PARD3: variants seen among roughly 807,000 people sequenced by gnomAD.
PARD3 encodes the protein partitioning defective 3 homolog.
In PARD3, 75 loss-of-function variants were observed where a neutral mutation model predicts 155.4. That is an observed-to-expected ratio of 0.48 (90% confidence interval 0.40 to 0.58). The LOEUF (loss-of-function observed/expected upper bound fraction) is 0.58, where lower values mean the gene tolerates loss of function less well. Ranked by LOEUF, PARD3 falls within the 20% of genes least tolerant of loss-of-function variation. The pLI is 0.00. For missense variants in PARD3, 1,642 were observed against 1,721.7 expected (o/e 0.95, Z 0.82); for synonymous variants, 576 against 610.5 (o/e 0.94, Z 0.83).
At chr10:34,623,645 C>G (rs1169896731) in intron 2 of PARD3, among the ~76,000 whole-genome samples, 4 of 152,106 alleles carry the variant, frequency 2.6e-5, no homozygotes, top group African/African-American at 7.2e-5. Context: ...CTTGAACCCC[C>G]TAAACCCCAG....
chr10:34,649,493 C>A (rs1334601119), intron 2 of PARD3, among the ~76,000 whole-genome samples: 2 of 152,164 alleles, frequency 1.3e-5, no homozygotes, highest in East Asian at 3.9e-4. Flanking sequence ...ATTTGTGCAT[C>A]CAAACATAGA....
intron 15 of PARD3, chr10:34,345,686 T>C (rs1837341262): frequency 2.0e-6 from 2 of 985,262 alleles, no homozygotes; most frequent in South Asian, 9.4e-5. Flanking sequence ...AAATCCGAAT[T>C]TTGGTTCAGA....
At chr10:34,725,157 G>C (rs146738041) in intron 1 of PARD3, among the ~76,000 whole-genome samples, 6,893 of 52,464 alleles carry the variant, frequency 0.13, 203 homozygotes, top group Middle Eastern at 0.18. Flanking sequence ...GTGTGACAGA[G>C]AGAGAGAGAG....
chr10:34,646,613 C>A (rs1294887559), intron 2 of PARD3, among the ~76,000 whole-genome samples: 2 of 152,190 alleles, frequency 1.3e-5, no homozygotes, highest in African/African-American at 4.8e-5. Context: ...ACGGAATATT[C>A]TTGGTCATTA....
intron 1 of PARD3, among the ~76,000 whole-genome samples, chr10:34,758,548 T>C (rs1837031426): frequency 6.6e-6 from 1 of 152,220 alleles, no homozygotes; most frequent in Admixed American, 6.5e-5. Flanking sequence ...AATTTCCTTC[T>C]TCCTCTTATC....
At chr10:34,723,804 C>A (rs1467026403) in intron 1 of PARD3, among the ~76,000 whole-genome samples, 1 of 152,150 alleles carries the variant, frequency 6.6e-6, no homozygotes, top group African/African-American at 2.4e-5. Context: ...GGCTTGAGCA[C>A]ACCGCAGGGA....
At chr10:34,122,867 C>T (rs1014195631) in intron 23 of PARD3, among the ~76,000 whole-genome samples, 33 of 152,168 alleles carry the variant, frequency 2.2e-4, no homozygotes, top group African/African-American at 7.2e-4. Flanking sequence ...GCTTCAATCC[C>T]TATGGCATGA....
At chr10:34,745,002 G>A (rs1835126058) in intron 1 of PARD3, among the ~76,000 whole-genome samples, 2 of 152,156 alleles carry the variant, frequency 1.3e-5, no homozygotes, top group African/African-American at 2.4e-5. Context: ...CAGGAACCCA[G>A]TCTCTGGCCT....
At chr10:34,133,153 G>T (rs1588882816) in intron 22 of PARD3, among the ~76,000 whole-genome samples, 2 of 152,114 alleles carry the variant, frequency 1.3e-5, no homozygotes, top group Admixed American at 1.3e-4. Context: ...GGGTACCAAG[G>T]GGGGCACTGG....
chr10:34,187,656 T>G (rs1230603657), intron 22 of PARD3, among the ~76,000 whole-genome samples: 1 of 152,228 alleles, frequency 6.6e-6, no homozygotes, highest in African/African-American at 2.4e-5. Flanking sequence ...TTAACCTCCT[T>G]TCTGTGATTC....
intron 2 of PARD3, among the ~76,000 whole-genome samples, chr10:34,537,081 CA>C (rs1047290638): frequency 2.0e-5 from 3 of 152,186 alleles, no homozygotes; most frequent in Non-Finnish European, 4.4e-5. Flanking sequence ...AAGCTCACTG[CA>C]ACCTCAAACT....
In PARD3 at chr10:34,336,201, G is replaced by T; in HGVS notation, c.2603C>A (p.Ala868Glu). 6.2e-7 allele frequency: 1 copy of T among 1,611,034 alleles called. No homozygotes were observed. Among genetic ancestry groups the T allele is most frequent in the Non-Finnish European group, 8.5e-7 (1 of 1,177,498 alleles). The change falls in exon 18 of 25, where the codon GCA becomes GAA. Residue 868 changes from alanine (A) to glutamate (E), a missense_variant and splice_region_variant. By Grantham distance (107) the Ala-to-Glu change is moderately radical (BLOSUM62 -1). Transcript: ENST00000374788. The part of the protein sequence containing the change: ...TKLNTVDDQK[A>E]GSPSRDVGPS... Reference sequence around the variant, plus strand: ...ACAGTCTAACTGTCCATTCTTACCTGCTTTCTGGTCATCCACTGTATTGAG... The same window carrying T: ...ACAGTCTAACTGTCCATTCTTACCTTCTTTCTGGTCATCCACTGTATTGAG...
rs2083614580 is a variant in PARD3, at chr10:34,541,588, G to C, written c.223-24429C>G. On this transcript the variant is annotated intron_variant, in intron 2 of 24. Coordinates refer to ENST00000374788, the MANE Select transcript of PARD3 (RefSeq NM_001184785.2). The stretch of plus-strand genomic sequence containing the variant: ...GCTCATGTTTAGACCACACCTCAGA[G>C]AATCTGCCTTGTGTGTGATGTGTCA... Among the ~76,000 whole-genome samples the C allele has an allele frequency of 2.6e-5, 4 of 152,150 alleles. No homozygotes were observed. In the South Asian group the frequency reaches 8.3e-4, roughly 32 times the overall value.
chr10:34,813,712 G>A (rs1221351512), intron 1 of PARD3, among the ~76,000 whole-genome samples: 1 of 152,142 alleles, frequency 6.6e-6, no homozygotes, highest in East Asian at 1.9e-4. Context: ...AGATGCCACC[G>A]GAGTACCCTG....
intron 4 of PARD3, among the ~76,000 whole-genome samples, chr10:34,454,856 C>T (rs997388836): frequency 2.6e-5 from 4 of 152,192 alleles, no homozygotes; most frequent in Non-Finnish European, 5.9e-5. Flanking sequence ...TAATTTGCTG[C>T]TCCCTGGTAG....
Position 34,455,142 on chromosome 10 carries a change from A to G in PARD3, c.583-4694T>C, listed in dbSNP as rs2077267269. The stretch of plus-strand genomic sequence containing the variant: ...GTTTCATAAGCATTATAGAAGTCAT[A>G]AACATTTCTGTGTTGGCACAGGAAA... On this transcript the variant is annotated intron_variant, in intron 4 of 24. Transcript: ENST00000374788. 2.6e-5 allele frequency among the ~76,000 whole-genome samples: 4 copies of G among 152,184 alleles called. No homozygotes were observed. In the South Asian group the frequency reaches 8.3e-4, roughly 31 times the overall value.
At chr10:34,632,566 T>C (rs1335580092) in intron 2 of PARD3, among the ~76,000 whole-genome samples, 2 of 152,182 alleles carry the variant, frequency 1.3e-5, no homozygotes, top group African/African-American at 4.8e-5. Flanking sequence ...ACACAGATAA[T>C]ACTGCCAACA....
At chr10:34,516,765 G>A (rs561122166) in intron 3 of PARD3, among the ~76,000 whole-genome samples, 13 of 152,226 alleles carry the variant, frequency 8.5e-5, no homozygotes, top group South Asian at 2.1e-4. Context: ...AGCGAGTCAC[G>A]GAAAGTCTAC....
intron 14 of PARD3, among the ~76,000 whole-genome samples, chr10:34,353,016 G>A (rs1838319913): frequency 6.7e-6 from 1 of 149,830 alleles, no homozygotes. Flanking sequence ...GGGAGGTGAG[G>A]AGCGTCTCTG....
Sources: gnomAD v4.1 joint callset for allele counts (sites outside exome capture counted in the v4.1 genomes callset) on GRCh38, gnomAD v4.1.1 for gene constraint, MANE v1.5 for transcripts, NCBI Gene and HGNC (gene_info 2026-07-23, HGNC 2026-07-21) for gene names.